The following PLPP1 variants were observed in gnomAD, a reference collection of about 807,000 sequenced individuals.
PLPP1 encodes the protein phospholipid phosphatase 1.
PLPP1 carries 24 observed loss-of-function variants against 31.2 expected under a neutral mutation model. The observed-to-expected ratio is 0.77, with a 90% CI of 0.56 to 1.08. The LOEUF (loss-of-function observed/expected upper bound fraction) is 1.08. PLPP1 is among the 50% of genes least tolerant of loss of function. The pLI is 0.00. For missense variants in PLPP1, 319 were observed against 342.7 expected (o/e 0.93, Z 0.55); for synonymous variants, 146 against 126.3 (o/e 1.16, Z -1.05).
chr5:55,429,953 A>G lies in PLPP1; in HGVS notation c.550-3914T>C, dbSNP rs1047390585. ...CCCTATACACACCACTGAGGGACCT[A>G]TCCAGCCCGGCTCCACCTACCCCTA... On this transcript the variant is annotated intron_variant, in intron 4 of 5. Coordinates refer to ENST00000307259, the MANE Select transcript of PLPP1 (RefSeq NM_003711.4). Among the ~76,000 whole-genome samples the G allele has an allele frequency of 7.0e-4, 107 of 152,156 alleles. 1 individual carries two copies. The highest frequency in any genetic ancestry group is 2.4e-3 in the African/African-American group (101 of 41,510).
intron 1 of PLPP1, among the ~76,000 whole-genome samples, chr5:55,490,721 T>C (rs1365802614): frequency 9.9e-5 from 15 of 152,100 alleles, no homozygotes; most frequent in African/African-American, 3.6e-4. Context: ...GACTCTCCTA[T>C]TCAAAAATAA....
chr5:55,449,972 C>G (rs192818745), intron 3 of PLPP1, among the ~76,000 whole-genome samples: 218 of 136,266 alleles, frequency 1.6e-3, no homozygotes, highest in African/African-American at 5.2e-3. Flanking sequence ...TATAATATAA[C>G]AAAAAATTAT....
chr5:55,526,482 A>G (rs970572772), intron 1 of PLPP1, among the ~76,000 whole-genome samples: 1 of 152,162 alleles, frequency 6.6e-6, no homozygotes, highest in African/African-American at 2.4e-5. Flanking sequence ...AGGATTCTAG[A>G]CTGACCCAAG....
chr5:55,495,663 G>C (rs1752990324), intron 1 of PLPP1, among the ~76,000 whole-genome samples: 1 of 151,998 alleles, frequency 6.6e-6, no homozygotes, highest in Non-Finnish European at 1.5e-5. Flanking sequence ...TCAATATCGG[G>C]TTGTCATTGT....
At position 55,530,266 on chromosome 5, in the gene PLPP1, G is replaced by A. The variant is rs1579990322; in HGVS notation, c.58+4306C>T. ...TCAAACTGATGTCTCTGATTTAGATGACTAACGAAATTTCTGGTAATCTGG... is the reference window on the plus strand; with the variant it reads ...TCAAACTGATGTCTCTGATTTAGATAACTAACGAAATTTCTGGTAATCTGG... On this transcript the variant is annotated intron_variant, in intron 1 of 5. Transcript: ENST00000307259. 1.2e-5 allele frequency: 18 copies of A among 1,509,210 alleles called. No individual in the cohort carries two copies. The South Asian group carries it at 1.9e-4, about 16-fold the overall frequency. 93.5% of individuals were successfully genotyped at this position (1,509,210 alleles called of 1,614,324 possible). A position where few individuals can be genotyped will look rare whatever the true frequency, so the allele number is the denominator to read the frequency against.
chr5:55,450,977 T>G (rs1038552514), intron 3 of PLPP1, among the ~76,000 whole-genome samples: 2 of 152,214 alleles, frequency 1.3e-5, no homozygotes, highest in African/African-American at 4.8e-5. Context: ...GACTGCTAAC[T>G]AGAAACGAGA....
Position 55,467,854 on chromosome 5 carries a change from C to G in PLPP1, c.491+15G>C, listed in dbSNP as rs369886566. 3.1e-6 allele frequency: 5 copies of G among 1,593,316 alleles called. No homozygotes were observed. Among genetic ancestry groups the G allele is most frequent in the Non-Finnish European group, 3.4e-6 (4 of 1,168,870 alleles). ...ATATACAAGATTAAACAAGCATTAG[C>G]GATTTAACACTCACCTGCCTTCCTT... is the stretch of plus-strand genomic sequence containing the variant. On this transcript the variant is annotated intron_variant, in intron 3 of 5. Transcript: ENST00000307259.
At chr5:55,466,703 A>G (rs1464900934) in intron 3 of PLPP1, among the ~76,000 whole-genome samples, 2 of 151,798 alleles carry the variant, frequency 1.3e-5, no homozygotes, top group East Asian at 3.9e-4. Context: ...ACTCCATCTC[A>G]AAAAAAAGAA....
intron 3 of PLPP1, among the ~76,000 whole-genome samples, chr5:55,457,638 C>T (rs2111755689): frequency 6.6e-6 from 1 of 152,284 alleles, no homozygotes; most frequent in East Asian, 1.9e-4. Context: ...CGCCTGTAAT[C>T]CCAGCACTCT....
intron 1 of PLPP1, among the ~76,000 whole-genome samples, chr5:55,525,086 CT>C (rs1753751928): frequency 6.6e-6 from 1 of 152,144 alleles, no homozygotes; most frequent in Non-Finnish European, 1.5e-5. Context: ...TAATAAAACA[CT>C]AAGTTTCAAA....
intron 2 of PLPP1, 35 bp from the exon 3 acceptor site, chr5:55,468,184 A>G (rs868110922): frequency 2.0e-6 from 3 of 1,507,092 alleles, no homozygotes; most frequent in Middle Eastern, 2.4e-4. Context: ...ATGTTAAAGT[A>G]GCAAGCAGGC....
At chr5:55,496,406 C>T (rs898255013) in intron 1 of PLPP1, among the ~76,000 whole-genome samples, 4 of 152,086 alleles carry the variant, frequency 2.6e-5, no homozygotes, top group Non-Finnish European at 4.4e-5. Context: ...GGTGGCTCAC[C>T]CTCTACCTGG....
At chr5:55,436,432 C>T (rs1044165059) in intron 4 of PLPP1, among the ~76,000 whole-genome samples, 7 of 152,194 alleles carry the variant, frequency 4.6e-5, no homozygotes, top group African/African-American at 1.4e-4. Flanking sequence ...CCGCCATCCA[C>T]GTAAGATGTA....
chr5:55,516,558 G>A (rs904604319), intron 1 of PLPP1, among the ~76,000 whole-genome samples: 7 of 152,128 alleles, frequency 4.6e-5, no homozygotes, highest in East Asian at 1.9e-4. Context: ...ACTATGTAAC[G>A]GTGACTGGGC....
At chr5:55,458,388 G>A (rs1386065117) in intron 3 of PLPP1, among the ~76,000 whole-genome samples, 1 of 151,404 alleles carries the variant, frequency 6.6e-6, no homozygotes, top group Non-Finnish European at 1.5e-5. Flanking sequence ...ATACATATAT[G>A]CTTTTTTTTC....
At chr5:55,508,874 G>A (rs545080149) in intron 1 of PLPP1, 3 of 154,218 alleles carry the variant, frequency 1.9e-5, no homozygotes, top group African/African-American at 4.8e-5. Flanking sequence ...ACCCTAAAAC[G>A]TTCTAAATAA....
chr5:55,425,116 A>G lies in PLPP1; in HGVS notation c.*90T>C. On this transcript the variant is annotated 3_prime_UTR_variant, in exon 6 of 6. Coordinates refer to ENST00000307259, the MANE Select transcript of PLPP1 (RefSeq NM_003711.4). Reference sequence around the variant, plus strand: ...GCAGCAGAAGTCTTTAAAGGCTTGTACACCAGGAAGAAAGATGCATCCTCT... The same window carrying G: ...GCAGCAGAAGTCTTTAAAGGCTTGTGCACCAGGAAGAAAGATGCATCCTCT... The G allele has an allele frequency of 1.4e-6, 2 of 1,480,516 alleles. No homozygotes were observed. Among genetic ancestry groups the G allele is most frequent in the Admixed American group, 2.2e-5 (1 of 45,600 alleles). The allele number at this position is 1,480,516 out of a possible 1,614,324, so 91.7% of individuals were successfully genotyped here. A position where few individuals can be genotyped will look rare whatever the true frequency, so the allele number is the denominator to read the frequency against.
At chr5:55,481,034 T>G (rs1418242745) in intron 1 of PLPP1, among the ~76,000 whole-genome samples, 2 of 152,148 alleles carry the variant, frequency 1.3e-5, no homozygotes, top group African/African-American at 2.4e-5. Context: ...CAAGACAGAG[T>G]ATGTGATATG....
At chr5:55,444,992 T>G (rs1009674697) in intron 3 of PLPP1, among the ~76,000 whole-genome samples, 1 of 151,948 alleles carries the variant, frequency 6.6e-6, no homozygotes, top group Admixed American at 6.5e-5. Flanking sequence ...TCAGGTGATC[T>G]GCCCGCCTCG....
Sources: allele counts gnomAD v4.1 joint callset (sites outside exome capture counted in the v4.1 genomes callset), GRCh38; gene constraint gnomAD v4.1.1; transcripts MANE v1.5; gene names NCBI Gene and HGNC (gene_info 2026-07-23, HGNC 2026-07-21).